The following PTPRS variants were observed in gnomAD, a reference collection of about 807,000 sequenced individuals.
PTPRS encodes protein tyrosine phosphatase receptor type S.
In PTPRS, 63 loss-of-function variants were observed where a neutral mutation model predicts 215.3. The ratio of observed to expected loss-of-function variants is 0.29; its 90% CI spans 0.24 to 0.36. The LOEUF (loss-of-function observed/expected upper bound fraction) is 0.36, where lower values mean the gene tolerates loss of function less well. Among genes scored for constraint, PTPRS ranks in the 10% least tolerant of loss-of-function variants. PTPRS has a pLI of 1.00. For synonymous variants in PTPRS, 1,404 were observed against 1,191.4 expected (o/e 1.18, Z -3.68); for missense variants, 2,258 against 2,825.8 (o/e 0.80, Z 4.56).
intron 1 of PTPRS, among the ~76,000 whole-genome samples, chr19:5,340,419 TGCCGAGCGCCCCCAGCGCGGCCCCG>T (rs2050655964): frequency 7.3e-6 from 1 of 136,568 alleles, no homozygotes; most frequent in African/African-American, 2.8e-5. Context: ...CAGCACCCCC[TGCCGAGCGCCCCCAGCGCGGCCCCG>T]GCCCTGTCCC....
chr19:5,212,402 C>G lies in PTPRS; in HGVS notation c.4704G>C (p.Leu1568=), dbSNP rs1402254626. 6.2e-7 allele frequency: 1 copy of G among 1,606,796 alleles called. No homozygotes were observed. Among genetic ancestry groups the G allele is most frequent in the Admixed American group, 1.7e-5 (1 of 58,842 alleles). ...AGGTCTTGACTCTCCGCAGGAAAGC[C>G]AGGAAGGGCGTTGGGTATTCGGGCA... The part of the protein sequence containing the change: ...HGVPEYPTPF[L]AFLRRVKTCN... Residue 1568 remains leucine, a synonymous_variant, in exon 31 of 38, where the codon CTG becomes CTC. Transcript: ENST00000262963.
chr19:5,302,301 T>C (rs991470312), intron 1 of PTPRS, among the ~76,000 whole-genome samples: 2 of 152,050 alleles, frequency 1.3e-5, no homozygotes, highest in African/African-American at 4.8e-5. Context: ...GAGTTTGAGG[T>C]TGCAGGTGAG....
Position 5,335,944 on chromosome 19 carries a change from AC to A in PTPRS, c.-95+4719del, listed in dbSNP as rs969517358. On this transcript the variant is annotated intron_variant, in intron 1 of 37. Transcript: ENST00000262963. ...GATTCCACGGCTAGCCCAGAATAGC[AC>A]CAGCCCCAAGGTCCAGTCTGGCCAG... is the stretch of plus-strand genomic sequence containing the variant. 1.2e-4 allele frequency among the ~76,000 whole-genome samples: 18 copies of A among 151,622 alleles called. 1 individual carries two copies. The highest frequency in any genetic ancestry group is 3.9e-4 in the African/African-American group (16 of 41,338).
chr19:5,223,388 C>A, intron 17 of PTPRS, 91 bp from the exon 18 acceptor site: 1 of 1,334,734 alleles, frequency 7.5e-7, no homozygotes, highest in Non-Finnish European at 9.6e-7. Context: ...TCTTTTCCTT[C>A]AATATAACAT....
intron 4 of PTPRS, 165 bp downstream of exon 4, chr19:5,273,277 A>G: frequency 1.2e-6 from 1 of 842,054 alleles, no homozygotes. Context: ...CCCCACCAGT[A>G]GGCGCTGGGC....
rs906063149 is a variant in PTPRS at position 5,223,058 on chromosome 19, C to T, written c.2734G>A (p.Gly912Ser). 14 of 1,551,004 alleles carry T rather than the reference C, an allele frequency of 9.0e-6. No individual in the cohort carries two copies. Among genetic ancestry groups the T allele is most frequent in the East Asian group, 2.4e-5 (1 of 41,378 alleles). ...ACCTCGGCTGCCTCCTCGCCCAGGC[C>T]GCCGCGGCTCCGGGCCGCAAGCCGG... Reference protein sequence around the residue: ...VFRLAARSRGGLGEEAAEVLS... With the variant: ...VFRLAARSRGSLGEEAAEVLS... The change falls in exon 18 of 38, where the codon GGC (glycine) becomes AGC (serine). Residue 912 changes from glycine (G) to serine (S), a missense_variant. This residue lies in a region of PTPRS where 361 missense variants were observed against 332.6 expected (regional missense o/e 1.09). Transcript: ENST00000262963.
chr19:5,326,603 C>A (rs910066112), intron 1 of PTPRS, among the ~76,000 whole-genome samples: 1 of 151,266 alleles, frequency 6.6e-6, no homozygotes, highest in African/African-American at 2.4e-5. Flanking sequence ...GGAGGATCGC[C>A]TGAGCCCAGG....
At position 5,213,360 on chromosome 19, in the gene PTPRS, T is replaced by G. The variant is rs185856044; in HGVS notation, c.4615-869A>C. Reference sequence around the variant, plus strand: ...TCCCCAAGGCCCACAGGATCCTGCATGACCAGGCACGGTCCTGCCCCAGGG... The same window carrying G: ...TCCCCAAGGCCCACAGGATCCTGCAGGACCAGGCACGGTCCTGCCCCAGGG... On this transcript the variant is annotated intron_variant, in intron 30 of 37. Transcript: ENST00000262963. Among the ~76,000 whole-genome samples the G allele has an allele frequency of 3.6e-3, 244 of 67,880 alleles. 2 individuals carry two copies. The highest frequency in any genetic ancestry group is 9.6e-3 in the African/African-American group (236 of 24,548). The allele number at this position is 67,880 out of a possible 152,430, so 44.5% of individuals were successfully genotyped here.
intron 1 of PTPRS, among the ~76,000 whole-genome samples, chr19:5,337,031 A>G (rs1033259422): frequency 6.6e-6 from 1 of 152,134 alleles, no homozygotes; most frequent in Admixed American, 6.5e-5. Context: ...CTCCTTCCAG[A>G]AAGTACGAGA....
intron 1 of PTPRS, among the ~76,000 whole-genome samples, chr19:5,310,569 C>T (rs540062509): frequency 6.6e-6 from 1 of 152,216 alleles, no homozygotes; most frequent in South Asian, 2.1e-4. Flanking sequence ...CTGCCCACCT[C>T]GGCCTCCCAA....
At chr19:5,260,524 C>T (rs1234849499) in intron 7 of PTPRS, among the ~76,000 whole-genome samples, 1 of 152,212 alleles carries the variant, frequency 6.6e-6, no homozygotes, top group Non-Finnish European at 1.5e-5. Flanking sequence ...GGGCTCCCAG[C>T]ACTCTGGGGG....
Position 5,237,673 on chromosome 19 carries a change from C to T in PTPRS, c.1849+1246G>A, listed in dbSNP as rs1415945330. On this transcript the variant is annotated intron_variant, in intron 13 of 37. Coordinates refer to ENST00000262963, the MANE Select transcript of PTPRS (RefSeq NM_002850.4). This position sits in a 1 kb window ranked among gnomAD's most constrained non-coding sequence, Gnocchi z 4.2. ...GGGGTGGGCCGTTTTTGTGAACCTG[C>T]TTGAGACCAGCGTGTACTCACCTTC... is the stretch of plus-strand genomic sequence containing the variant. Among the ~76,000 whole-genome samples the T allele has an allele frequency of 1.3e-5, 2 of 152,150 alleles. No homozygotes were observed. Among genetic ancestry groups the T allele is most frequent in the Non-Finnish European group, 2.9e-5 (2 of 68,010 alleles).
Position 5,257,269 on chromosome 19 carries a change from G to A in PTPRS, c.706+748C>T, listed in dbSNP as rs145313753. Among the ~76,000 whole-genome samples, 165 of 151,070 alleles carry A rather than the reference G, an allele frequency of 1.1e-3. No individual in the cohort carries two copies. Among genetic ancestry groups the A allele is most frequent in the African/African-American group, 3.8e-3 (157 of 41,122 alleles). Reference sequence around the variant, plus strand: ...CAGGGGAGCGGGGAGGTGCTGGGGCGAGGCCCCCACGCTGCTGGGCATGAC... The same window carrying A: ...CAGGGGAGCGGGGAGGTGCTGGGGCAAGGCCCCCACGCTGCTGGGCATGAC... On this transcript the variant is annotated intron_variant, in intron 8 of 37. Transcript: ENST00000262963. The surrounding 1 kb of genome is among the most constrained non-coding windows in gnomAD (Gnocchi z 4.4).
intron 9 of PTPRS, among the ~76,000 whole-genome samples, chr19:5,252,506 G>A (rs1026078747): frequency 2.7e-5 from 4 of 150,634 alleles, no homozygotes; most frequent in African/African-American, 9.8e-5. Flanking sequence ...GAACCCAGGA[G>A]GCGGAGGTTG....
chr19:5,273,314 G>C, intron 4 of PTPRS, 128 bp downstream of exon 4: 2 of 1,317,976 alleles, frequency 1.5e-6, no homozygotes, highest in South Asian at 1.2e-5. Context: ...GTTGGATAAG[G>C]GAGATCAAGG....
Position 5,221,221 on chromosome 19 carries a change from A to G in PTPRS, c.3234T>C (p.Asp1078=). The change falls in exon 20 of 38, where the codon GAT becomes GAC. Residue 1078 remains aspartate (D), a synonymous_variant. Coordinates refer to ENST00000262963, the MANE Select transcript of PTPRS (RefSeq NM_002850.4). ...TGATGAGCTTCTTGGTGGTACGGCCATCCACATCCAGTGTGAGCCCATTGT... is the reference window on the plus strand; with the variant it reads ...TGATGAGCTTCTTGGTGGTACGGCCGTCCACATCCAGTGTGAGCCCATTGT... The part of the protein sequence containing the change: ...IQYNGLTLDV[D]GRTTKKLITH... 1 of 1,613,830 alleles carries G rather than the reference A, an allele frequency of 6.2e-7. No individual in the cohort carries two copies. The highest frequency in any genetic ancestry group is 8.5e-7 in the Non-Finnish European group (1 of 1,179,890).
intron 6 of PTPRS, among the ~76,000 whole-genome samples, chr19:5,261,219 G>T (rs2238639): frequency 0.56 from 85,693 of 151,748 alleles, 26,644 homozygotes; most frequent in East Asian, 0.81. Context: ...CCTTCTTTCC[G>T]TCTTAGGGAG....
Position 5,287,543 on chromosome 19 carries a change from T to C in PTPRS, c.-94-1309A>G, listed in dbSNP as rs2146907709. Among the ~76,000 whole-genome samples, 1 of 152,230 alleles carries C rather than the reference T, an allele frequency of 6.6e-6. No individual in the cohort carries two copies. Among genetic ancestry groups the C allele is most frequent in the South Asian group, 2.1e-4 (1 of 4,816 alleles). On this transcript the variant is annotated intron_variant, in intron 1 of 37. Coordinates refer to ENST00000262963, the MANE Select transcript of PTPRS (RefSeq NM_002850.4). This position sits in a 1 kb window ranked among gnomAD's most constrained non-coding sequence, Gnocchi z 4.8. Reference sequence around the variant, plus strand: ...AGAGGCCCAAGGATAAGATCTTTGTTGCCTAGTCAGGCTGGCACCCATGCC... The same window carrying C: ...AGAGGCCCAAGGATAAGATCTTTGTCGCCTAGTCAGGCTGGCACCCATGCC...
intron 4 of PTPRS, among the ~76,000 whole-genome samples, chr19:5,272,561 G>GTAC (rs2047001538): frequency 7.9e-6 from 1 of 126,138 alleles, no homozygotes; most frequent in Non-Finnish European, 1.6e-5. Flanking sequence ...TAATGCCACT[G>GTAC]TACTCTGGCC....
Sources: allele counts gnomAD v4.1 joint callset (sites outside exome capture counted in the v4.1 genomes callset), GRCh38; gene constraint gnomAD v4.1.1; regional missense constraint gnomAD v4.1.1; non-coding constraint Gnocchi (gnomAD v3.1); transcripts MANE v1.5; gene names NCBI Gene and HGNC (gene_info 2026-07-23, HGNC 2026-07-21).